Variants in CCDC88C observed in about 807,000 individuals in gnomAD.
The protein encoded by CCDC88C is coiled-coil and HOOK domain protein 88C.
Under a neutral mutation model 198.8 loss-of-function variants are expected in CCDC88C, and 131 were observed. The observed-to-expected ratio is 0.66, with a 90% CI of 0.57 to 0.76. The LOEUF is 0.76. Ranked by LOEUF, CCDC88C falls within the 30% of genes least tolerant of loss-of-function variation. The probability of loss-of-function intolerance (pLI) is 0.00; values close to 1 mark genes in which losing one functional copy is unlikely to be tolerated. For synonymous variants in CCDC88C, 1,166 were observed against 1,114.7 expected (o/e 1.05, Z -0.92); for missense variants, 2,553 against 2,631.6 (o/e 0.97, Z 0.65).
intron 29 of CCDC88C, among the ~76,000 whole-genome samples, chr14:91,274,795 G>A (rs2139712677): frequency 6.6e-6 from 1 of 152,302 alleles, no homozygotes; most frequent in African/African-American, 2.4e-5. Context: ...ACCTCGCAAG[G>A]TTGTTGAAAG....
intron 6 of CCDC88C, 119 bp from the exon 7 acceptor site, chr14:91,340,143 G>A (rs1484468462): frequency 1.0e-5 from 14 of 1,394,950 alleles, no homozygotes; most frequent in Admixed American, 2.1e-5. Context: ...ACAAATTTAC[G>A]GTGGCCAGCA....
At chr14:91,293,551 T>TCGCCTGCCACGGCCCACCTTCCTGC (rs1567055857) in intron 23 of CCDC88C, among the ~76,000 whole-genome samples, 3 of 6,222 alleles carry the variant, frequency 4.8e-4, no homozygotes, top group African/African-American at 1.6e-3. Flanking sequence ...CACCTTCCTG[T>TCGCCTGCCACGGCCCACCTTCCTGC]CCCCTCGCCT....
intron 2 of CCDC88C, among the ~76,000 whole-genome samples, chr14:91,412,923 T>C (rs141892430): frequency 5.2e-4 from 79 of 152,298 alleles, no homozygotes; most frequent in African/African-American, 1.8e-3. Context: ...AAGGGAAACA[T>C]AAACTCTCCT....
intron 10 of CCDC88C, among the ~76,000 whole-genome samples, chr14:91,337,138 T>G (rs1893083718): frequency 6.6e-6 from 1 of 152,234 alleles, no homozygotes; most frequent in African/African-American, 2.4e-5. Flanking sequence ...GACATGAGGT[T>G]GTCAGGGTGA....
At chr14:91,411,629 G>C (rs1886791366) in intron 2 of CCDC88C, among the ~76,000 whole-genome samples, 1 of 151,946 alleles carries the variant, frequency 6.6e-6, no homozygotes, top group African/African-American at 2.4e-5. Flanking sequence ...CTAAAGTGTG[G>C]GCCCCCAGGG....
Position 91,273,729 on chromosome 14 carries a change from C to A in CCDC88C, c.5059-76G>T. On this transcript the variant is annotated intron_variant, in intron 29 of 29. Transcript: ENST00000389857. This position sits in a 1 kb window ranked among gnomAD's most constrained non-coding sequence, Gnocchi z 5.6. ...CCTTGGAGCCGCCTCCTGCGCGGGA[C>A]GCCCCCGAGCAGCCCACGTGGCTGG... is the stretch of plus-strand genomic sequence containing the variant. The A allele has an allele frequency of 7.8e-7, 1 of 1,285,616 alleles. No individual in the cohort carries two copies. Among genetic ancestry groups the A allele is most frequent in the Non-Finnish European group, 1.0e-6 (1 of 978,204 alleles). 79.6% of individuals were successfully genotyped at this position (1,285,616 alleles called of 1,614,324 possible).
intron 21 of CCDC88C, among the ~76,000 whole-genome samples, chr14:91,297,901 A>C (rs1891083100): frequency 6.6e-6 from 1 of 152,176 alleles, no homozygotes; most frequent in Admixed American, 6.5e-5. Context: ...TTGCTCTAAA[A>C]TTCTGTCTCT....
rs190965899 is a variant in CCDC88C, at chr14:91,315,592, G to A, written c.1665+58C>T. ...CAGTACCAGGAATGGCTGTAATCCC[G>A]GCTCTCCGTCTTGCAGGCAGGGGTT... is the stretch of plus-strand genomic sequence containing the variant. On this transcript the variant is annotated intron_variant, in intron 14 of 29. Transcript: ENST00000389857. The A allele has an allele frequency of 4.6e-4, 727 of 1,597,306 alleles. 4 individuals are homozygous for A. In the Admixed American group the frequency reaches 9.5e-3, roughly 21 times the overall value.
intron 25 of CCDC88C, among the ~76,000 whole-genome samples, chr14:91,286,301 T>C (rs1400011598): frequency 6.6e-6 from 1 of 152,246 alleles, no homozygotes; most frequent in Non-Finnish European, 1.5e-5. Flanking sequence ...TTCAGGGCGC[T>C]GTAATCAAAT....
intron 13 of CCDC88C, chr14:91,315,993 T>A: frequency 1.9e-6 from 1 of 535,692 alleles, no homozygotes. Flanking sequence ...ACCATCACCA[T>A]CCCCCCAGCG....
intron 3 of CCDC88C, among the ~76,000 whole-genome samples, chr14:91,375,163 G>GCT (rs1467705556): frequency 6.6e-6 from 1 of 152,156 alleles, no homozygotes; most frequent in Non-Finnish European, 1.5e-5. Flanking sequence ...GCTCCCCAGG[G>GCT]CTCTCCCAGG....
At position 91,371,434 on chromosome 14, in the gene CCDC88C, G is replaced by A. The variant is rs1429522400; in HGVS notation, c.271-11723C>T. On this transcript the variant is annotated intron_variant, in intron 3 of 29. Transcript: ENST00000389857. This position sits in a 1 kb window ranked among gnomAD's most constrained non-coding sequence, Gnocchi z 4.2. ...AATGAGTGTAGTGGTCCCATGGGAG[G>A]AGCCATGTGCTGTCCAGGCCCAGCC... is the stretch of plus-strand genomic sequence containing the variant. Among the ~76,000 whole-genome samples, 1 of 152,016 alleles carries A rather than the reference G, an allele frequency of 6.6e-6. No homozygotes were observed. The highest frequency in any genetic ancestry group is 1.5e-5 in the Non-Finnish European group (1 of 67,978).
chr14:91,339,868 C>T lies in CCDC88C; in HGVS notation c.624+16G>A, dbSNP rs753237385. On this transcript the variant is annotated intron_variant, in intron 7 of 29. Coordinates refer to ENST00000389857, the MANE Select transcript of CCDC88C (RefSeq NM_001080414.4). This position sits in a 1 kb window ranked among gnomAD's most constrained non-coding sequence, Gnocchi z 5.8. Reference sequence around the variant, plus strand: ...CCCCTTCCCAGGCTGACCGGGCCACCGACCCGCGGACGCACCTCGGTGCAC... The same window carrying T: ...CCCCTTCCCAGGCTGACCGGGCCACTGACCCGCGGACGCACCTCGGTGCAC... The T allele has an allele frequency of 1.7e-5, 26 of 1,570,330 alleles. No individual in the cohort carries two copies. The highest frequency in any genetic ancestry group is 3.5e-5 in the South Asian group (3 of 85,786).
chr14:91,346,076 G>A (rs889294977), intron 4 of CCDC88C, among the ~76,000 whole-genome samples: 2 of 152,144 alleles, frequency 1.3e-5, no homozygotes, highest in Admixed American at 6.5e-5. Flanking sequence ...AAAGACTGCC[G>A]GGATGAAAAA....
chr14:91,323,018 G>A (rs1180868818), intron 12 of CCDC88C, among the ~76,000 whole-genome samples: 5 of 151,164 alleles, frequency 3.3e-5, no homozygotes, highest in Admixed American at 2.6e-4. Context: ...CGATTCTCCG[G>A]CCTCAGCCTC....
At position 91,289,162 on chromosome 14, in the gene CCDC88C, C is replaced by T. The variant is rs200081065; in HGVS notation, c.4384G>A (p.Ala1462Thr). The T allele has an allele frequency of 5.1e-4, 829 of 1,613,592 alleles. 1 individual carries two copies. The highest frequency in any genetic ancestry group is 1.2e-3 in the Middle Eastern group (7 of 5,972). ...TCTTCTGCACAGTTGGAGCCCAGTG[C>T]GGGGGTGTCGGGGTTCTCGGCCTGT... The part of the protein sequence containing the change: ...RSQAENPDTP[A>T]LGSNCAEERD... Residue 1462 changes from alanine (A) to threonine (T), a missense_variant, in exon 25 of 30, where the codon GCA (alanine) becomes ACA (threonine). Physicochemically the swap from Ala to Thr is moderately conservative, Grantham distance 58. Around this residue, in one of 2 missense-constraint regions of CCDC88C, gnomAD observed 1,293 missense variants for 1,219.6 expected, o/e 1.06. Transcript: ENST00000389857.
At chr14:91,295,437 G>T (rs1890959026) in intron 22 of CCDC88C, among the ~76,000 whole-genome samples, 1 of 152,254 alleles carries the variant, frequency 6.6e-6, no homozygotes, top group African/African-American at 2.4e-5. Context: ...TGGCAAGTCA[G>T]CGGTCTGCAG....
At chr14:91,333,119 G>A (rs1315790381) in intron 10 of CCDC88C, among the ~76,000 whole-genome samples, 1 of 152,218 alleles carries the variant, frequency 6.6e-6, no homozygotes, top group African/African-American at 2.4e-5. Context: ...TTTCCATTTG[G>A]ATGACAGCCA....
chr14:91,376,686 G>A (rs1022500065), intron 3 of CCDC88C, among the ~76,000 whole-genome samples: 19 of 152,212 alleles, frequency 1.2e-4, no homozygotes, highest in Non-Finnish European at 2.8e-4. Context: ...GGCTGGTGCT[G>A]TCTGTGGGGA....
Sources: gnomAD v4.1 joint callset for allele counts (sites outside exome capture counted in the v4.1 genomes callset) on GRCh38, gnomAD v4.1.1 for gene constraint, gnomAD v4.1.1 regional missense constraint, Gnocchi (gnomAD v3.1) non-coding constraint, MANE v1.5 for transcripts, NCBI Gene and HGNC (gene_info 2026-07-23, HGNC 2026-07-21) for gene names.